The following PRKN variants were observed in gnomAD, a reference collection of about 807,000 sequenced individuals.
The protein encoded by PRKN is parkin RBR E3 ubiquitin protein ligase.
In PRKN, 56 loss-of-function variants were observed where a neutral mutation model predicts 59.5. The observed-to-expected ratio is 0.94, with a 90% confidence interval of 0.76 to 1.18. The LOEUF (loss-of-function observed/expected upper bound fraction) is 1.18, where lower values mean the gene tolerates loss of function less well. Among genes scored for constraint, PRKN ranks in the 50% most tolerant of loss-of-function variants. The pLI, the probability that PRKN is intolerant of heterozygous loss-of-function variation, is 0.00. For synonymous variants in PRKN, 250 were observed against 222.1 expected, an observed-to-expected ratio of 1.13 and a Z score of -1.12; for missense variants, 657 against 596.4, an observed-to-expected ratio of 1.10 and a Z score of -1.06.
At chr6:162,373,113 T>C (rs779518547) in intron 2 of PRKN, among the ~76,000 whole-genome samples, 2 of 151,870 alleles carry the variant, frequency 1.3e-5, no homozygotes, top group East Asian at 1.9e-4. Flanking sequence ...CCACAACTAA[T>C]GAGACCTGAA....
At chr6:162,388,977 C>A (rs928895738) in intron 2 of PRKN, among the ~76,000 whole-genome samples, 2 of 136,958 alleles carry the variant, frequency 1.5e-5, no homozygotes, top group African/African-American at 2.8e-5. Flanking sequence ...ACACCCAAAG[C>A]TTCATTTTAA....
chr6:161,833,953 A>G (rs1792628992), intron 6 of PRKN, among the ~76,000 whole-genome samples: 1 of 152,150 alleles, frequency 6.6e-6, no homozygotes, highest in South Asian at 2.1e-4. Flanking sequence ...TTTGGAAGCT[A>G]TGTCTCAGAA....
chr6:162,429,709 C>T (rs1283075038), intron 2 of PRKN, among the ~76,000 whole-genome samples: 1 of 152,126 alleles, frequency 6.6e-6, no homozygotes, highest in African/African-American at 2.4e-5. Flanking sequence ...AGTCTGCACT[C>T]AAATAGAAAG....
At chr6:162,142,027 T>C (rs1354332816) in intron 4 of PRKN, among the ~76,000 whole-genome samples, 1 of 152,210 alleles carries the variant, frequency 6.6e-6, no homozygotes, top group African/African-American at 2.4e-5. Context: ...CAAGAGTATG[T>C]AAACACATGA....
At chr6:161,796,849 C>T (rs1222517701) in intron 6 of PRKN, among the ~76,000 whole-genome samples, 3 of 152,158 alleles carry the variant, frequency 2.0e-5, no homozygotes, top group African/African-American at 7.2e-5. Context: ...GTAATACATA[C>T]TAACTCATGC....
At chr6:161,678,006 G>A (rs1043092607) in intron 7 of PRKN, among the ~76,000 whole-genome samples, 23 of 152,042 alleles carry the variant, frequency 1.5e-4, no homozygotes, top group African/African-American at 5.3e-4. Flanking sequence ...AAGGATGATG[G>A]TTTTCAGACT....
At chr6:161,722,265 T>C (rs1787256250) in intron 7 of PRKN, among the ~76,000 whole-genome samples, 1 of 151,250 alleles carries the variant, frequency 6.6e-6, no homozygotes, top group Admixed American at 6.6e-5. Flanking sequence ...TATCATAATA[T>C]TTTTGTGTGC....
chr6:161,492,592 G>A (rs1328809176), intron 9 of PRKN, among the ~76,000 whole-genome samples: 1 of 152,054 alleles, frequency 6.6e-6, no homozygotes, highest in Admixed American at 6.6e-5. Context: ...ATATTAGGAG[G>A]GCCTTATTAT....
At chr6:162,065,437 T>G (rs961912019) in intron 4 of PRKN, among the ~76,000 whole-genome samples, 3 of 152,166 alleles carry the variant, frequency 2.0e-5, no homozygotes, top group Non-Finnish European at 4.4e-5. Flanking sequence ...GGCAGCAGAC[T>G]GGATGGTGCC....
chr6:162,065,270 G>T (rs946213568), intron 4 of PRKN, among the ~76,000 whole-genome samples: 2 of 152,160 alleles, frequency 1.3e-5, no homozygotes, highest in African/African-American at 4.8e-5. Context: ...GCAAACCACT[G>T]GTGTAAATCT....
intron 1 of PRKN, among the ~76,000 whole-genome samples, chr6:162,453,915 G>A (rs753176159): frequency 1.3e-5 from 2 of 151,922 alleles, no homozygotes; most frequent in Non-Finnish European, 2.9e-5. Context: ...AAAAAAAAAC[G>A]ATGAGAAAGT....
At chr6:162,436,291 A>G (rs555478317) in intron 2 of PRKN, among the ~76,000 whole-genome samples, 1 of 152,104 alleles carries the variant, frequency 6.6e-6, no homozygotes, top group East Asian at 1.9e-4. Context: ...TCTATTACAT[A>G]AATATGTTAC....
intron 6 of PRKN, among the ~76,000 whole-genome samples, chr6:161,945,099 A>C (rs1266090235): frequency 8.1e-6 from 1 of 123,572 alleles, no homozygotes; most frequent in Non-Finnish European, 1.8e-5. Flanking sequence ...AAGCCTACTG[A>C]ATATAACTTT....
chr6:161,409,191 G>A lies in PRKN; in HGVS notation c.1084-22314C>T, dbSNP rs749138743. 7.2e-5 allele frequency among the ~76,000 whole-genome samples: 11 copies of A among 152,186 alleles called. No individual in the cohort carries two copies. In the East Asian group the frequency reaches 1.2e-3, roughly 16 times the overall value. On this transcript the variant is annotated intron_variant, in intron 9 of 11. Coordinates refer to ENST00000366898, the MANE Select transcript of PRKN (RefSeq NM_004562.3). This position sits in a 1 kb window ranked among gnomAD's most constrained non-coding sequence, Gnocchi z 4.6. ...GAACTCCTGACCTTGTGATCCACCCGCACTGGACTCCCAAACTGCTGGGAT... is the reference window on the plus strand; with the variant it reads ...GAACTCCTGACCTTGTGATCCACCCACACTGGACTCCCAAACTGCTGGGAT...
intron 6 of PRKN, among the ~76,000 whole-genome samples, chr6:161,906,215 T>G (rs1006506240): frequency 6.6e-6 from 1 of 152,208 alleles, no homozygotes; most frequent in African/African-American, 2.4e-5. Flanking sequence ...GTCCATATCA[T>G]ATAATAATAT....
chr6:162,144,637 C>T (rs1049130789), intron 4 of PRKN, among the ~76,000 whole-genome samples: 2 of 152,174 alleles, frequency 1.3e-5, no homozygotes, highest in African/African-American at 4.8e-5. Context: ...GTAGCTTCAC[C>T]ACTGCAGAGG....
At chr6:161,882,723 G>T (rs531796409) in intron 6 of PRKN, among the ~76,000 whole-genome samples, 22 of 152,312 alleles carry the variant, frequency 1.4e-4, no homozygotes, top group African/African-American at 5.3e-4. Flanking sequence ...CAACTCCACG[G>T]CTGGGCGCGG....
At chr6:161,947,441 C>T (rs901826341) in intron 6 of PRKN, among the ~76,000 whole-genome samples, 5 of 152,142 alleles carry the variant, frequency 3.3e-5, no homozygotes, top group Non-Finnish European at 7.3e-5. Context: ...TTTATTGATT[C>T]CAAATGGTTC....
At chr6:162,603,183 G>A (rs1781777915) in intron 1 of PRKN, among the ~76,000 whole-genome samples, 1 of 152,128 alleles carries the variant, frequency 6.6e-6, no homozygotes, top group South Asian at 2.1e-4. Flanking sequence ...TCTCAGTTGT[G>A]AATTATTAAG....
Sources: gnomAD v4.1 joint callset for allele counts (sites outside exome capture counted in the v4.1 genomes callset) on GRCh38, gnomAD v4.1.1 for gene constraint, Gnocchi (gnomAD v3.1) non-coding constraint, MANE v1.5 for transcripts, NCBI Gene and HGNC (gene_info 2026-07-23, HGNC 2026-07-21) for gene names.